Variants in WDR64 observed in about 807,000 individuals in gnomAD.
WDR64 encodes the protein WD repeat-containing protein 64.
A neutral mutation model predicts 139.3 loss-of-function variants in WDR64; 112 were observed. The observed-to-expected ratio is 0.80, with a 90% CI of 0.69 to 0.94. The LOEUF is 0.94. Ranked by LOEUF, WDR64 falls within the 40% of genes least tolerant of loss-of-function variation. The pLI is 0.00. For missense variants in WDR64, 1,206 were observed against 1,293.1 expected, an observed-to-expected ratio of 0.93 and a Z score of 1.03; for synonymous variants, 444 against 437.7, an observed-to-expected ratio of 1.01 and a Z score of -0.18.
intron 9 of WDR64, among the ~76,000 whole-genome samples, chr1:241,719,626 A>G (rs757078964): frequency 6.6e-6 from 1 of 152,162 alleles, no homozygotes; most frequent in East Asian, 1.9e-4. Flanking sequence ...ATACCCAACT[A>G]ACAAGTCACC....
chr1:241,714,079 G>T (rs1341600460), intron 9 of WDR64, among the ~76,000 whole-genome samples: 1 of 152,194 alleles, frequency 6.6e-6, no homozygotes, highest in East Asian at 1.9e-4. Context: ...GATCTGGTTG[G>T]AGATGAATGA....
At chr1:241,751,333 C>T (rs1345720599) in intron 14 of WDR64, among the ~76,000 whole-genome samples, 2 of 152,138 alleles carry the variant, frequency 1.3e-5, no homozygotes, top group Admixed American at 6.5e-5. Flanking sequence ...ATTCCAAACC[C>T]CATTTCTCTG....
Position 241,802,282 on chromosome 1 carries a change from A to G in WDR64, c.*1067A>G, listed in dbSNP as rs1358207038. 3 of 398,102 alleles carry G rather than the reference A, an allele frequency of 7.5e-6. No individual in the cohort carries two copies. Among genetic ancestry groups the G allele is most frequent in the Non-Finnish European group, 1.3e-5 (3 of 225,866 alleles). The allele number at this position is 398,102 out of a possible 1,614,324, so 24.7% of individuals were successfully genotyped here. ...CTCAAGAATATGTTAAGTCAAAAAA[A>G]CTTTACAGAAAGAATACATGTTGTA... On this transcript the variant is annotated 3_prime_UTR_variant, in exon 28 of 28. Transcript: ENST00000437684.
intron 1 of WDR64, among the ~76,000 whole-genome samples, chr1:241,652,839 T>TG (rs1301319723): frequency 2.6e-5 from 4 of 152,152 alleles, no homozygotes; most frequent in Admixed American, 6.5e-5. Flanking sequence ...GTTTTTGTTT[T>TG]TTTTTTTTAC....
chr1:241,758,953 G>A (rs908732673), intron 15 of WDR64, among the ~76,000 whole-genome samples: 5 of 152,068 alleles, frequency 3.3e-5, no homozygotes, highest in African/African-American at 1.2e-4. Flanking sequence ...ATTTTGCACT[G>A]ATATTCCCAA....
intron 1 of WDR64, among the ~76,000 whole-genome samples, chr1:241,658,076 G>C (rs1300399950): frequency 6.6e-6 from 1 of 152,176 alleles, no homozygotes; most frequent in East Asian, 1.9e-4. Flanking sequence ...TGAGGGCAGG[G>C]ATCTTGCTTA....
intron 14 of WDR64, among the ~76,000 whole-genome samples, chr1:241,753,713 C>T (rs987038749): frequency 6.6e-6 from 1 of 151,884 alleles, no homozygotes; most frequent in East Asian, 1.9e-4. Context: ...CACACACTCA[C>T]GAAAGAAAAC....
chr1:241,750,607 T>C (rs187559194), intron 14 of WDR64, among the ~76,000 whole-genome samples: 1 of 152,352 alleles, frequency 6.6e-6, no homozygotes, highest in East Asian at 1.9e-4. Context: ...ATGCCCTTCC[T>C]ACCAGACAAT....
Position 241,652,574 on chromosome 1 carries a change from A to G in WDR64, c.90A>G (p.Glu30=), listed in dbSNP as rs1158314393. The part of the protein sequence containing the change: ...KALNRFEKLV[E]QTAAQKRDER... ...TGAACAGGTTTGAAAAATTGGTTGA[A>G]CAAACAGCAGCCCAGAAAAGAGATG... Residue 30 remains glutamate (E), a synonymous_variant, in exon 1 of 28, where the codon GAA becomes GAG. Transcript: ENST00000437684. 1 of 1,551,882 alleles carries G rather than the reference A, an allele frequency of 6.4e-7. No individual in the cohort carries two copies. The highest frequency in any genetic ancestry group is 1.4e-5 in the African/African-American group (1 of 73,060).
intron 24 of WDR64, 73 bp downstream of exon 24, chr1:241,788,107 A>T (rs1659108482): frequency 7.4e-7 from 1 of 1,351,544 alleles, no homozygotes; most frequent in Non-Finnish European, 9.9e-7. Flanking sequence ...ACTGTCCTTG[A>T]GATGGAGAAT....
chr1:241,713,335 GGA>G (rs1574033631), intron 9 of WDR64, among the ~76,000 whole-genome samples: 4 of 109,404 alleles, frequency 3.7e-5, no homozygotes, highest in South Asian at 7.5e-4. Context: ...AAGGAAGGAA[GGA>G]AGGGAGGGAG....
At chr1:241,765,487 G>C (rs1364381381) in intron 15 of WDR64, among the ~76,000 whole-genome samples, 1 of 152,184 alleles carries the variant, frequency 6.6e-6, no homozygotes, top group African/African-American at 2.4e-5. Context: ...AAGTCGCAGA[G>C]ACACAGCAAA....
At chr1:241,784,814 C>T (rs1295376427) in intron 23 of WDR64, among the ~76,000 whole-genome samples, 1 of 151,156 alleles carries the variant, frequency 6.6e-6, no homozygotes, top group African/African-American at 2.4e-5. Flanking sequence ...ATTAGCCGGG[C>T]GTGGTGGCAT....
At chr1:241,746,984 C>T (rs1669784209) in intron 13 of WDR64, among the ~76,000 whole-genome samples, 1 of 152,156 alleles carries the variant, frequency 6.6e-6, no homozygotes, top group Non-Finnish European at 1.5e-5. Flanking sequence ...GGTCTCGGAA[C>T]TCCTGACCTC....
chr1:241,724,164 A>C (rs1485332039), intron 10 of WDR64, among the ~76,000 whole-genome samples: 1 of 152,154 alleles, frequency 6.6e-6, no homozygotes, highest in South Asian at 2.1e-4. Context: ...TAAGGGACAT[A>C]CTATGTTCCT....
intron 10 of WDR64, among the ~76,000 whole-genome samples, chr1:241,725,844 T>C (rs919722559): frequency 6.6e-6 from 1 of 152,124 alleles, no homozygotes; most frequent in East Asian, 1.9e-4. Flanking sequence ...TCTCAATTTT[T>C]TGAGACAGGA....
In WDR64 at chr1:241,679,514, C is replaced by G. The variant is rs184957108; in HGVS notation, c.543C>G (p.Tyr181Ter). 1.8e-4 allele frequency: 276 copies of G among 1,551,834 alleles called. 3 individuals are homozygous for G. In the Middle Eastern group the frequency reaches 2.7e-3, roughly 15 times the overall value. ...CCTCCTGGATTACAGGGTGTGATTA[C>G]CTCTTGCAGCTGAAACGAATCGTAG... is the stretch of plus-strand genomic sequence containing the variant. Reference protein sequence around the residue: ...TDTSWITGCDYLLQLKRIVAT... With the variant: ...TDTSWITGCD Residue 181 changes from tyrosine (Y) to a stop codon, truncating the protein, a stop_gained, in exon 6 of 28, where the codon TAC (tyrosine) becomes TAG (stop). Coordinates refer to ENST00000437684, the MANE Select transcript of WDR64 (RefSeq NM_001367482.1). LOFTEE classifies it high-confidence loss of function.
intron 2 of WDR64, among the ~76,000 whole-genome samples, chr1:241,664,525 A>G (rs1428875547): frequency 1.3e-5 from 2 of 152,238 alleles, no homozygotes; most frequent in African/African-American, 4.8e-5. Flanking sequence ...ATCCATTTAC[A>G]TGGAATTCTA....
chr1:241,759,189 T>C (rs568326313), intron 15 of WDR64, among the ~76,000 whole-genome samples: 2 of 152,310 alleles, frequency 1.3e-5, no homozygotes, highest in Non-Finnish European at 2.9e-5. Context: ...ACTAGGAACA[T>C]GATACCTGAC....
Sources: gnomAD v4.1 joint callset for allele counts (sites outside exome capture counted in the v4.1 genomes callset) on GRCh38, gnomAD v4.1.1 for gene constraint, MANE v1.5 for transcripts, NCBI Gene and HGNC (gene_info 2026-07-23, HGNC 2026-07-21) for gene names.